The following C18orf63 variants were observed in gnomAD, a reference collection of about 807,000 sequenced individuals.
C18orf63 encodes uncharacterized protein C18orf63.
In C18orf63, 50 loss-of-function variants were observed where a neutral mutation model predicts 75.3. That is an observed-to-expected ratio of 0.66 (90% CI 0.53 to 0.84). C18orf63 has a LOEUF of 0.84. Among genes scored for constraint, C18orf63 ranks in the 40% least tolerant of loss-of-function variants. The pLI is 0.00. For missense variants in C18orf63, 732 were observed against 800.2 expected, an observed-to-expected ratio of 0.91 and a Z score of 1.03; for synonymous variants, 232 against 267.6, an observed-to-expected ratio of 0.87 and a Z score of 1.30.
chr18:74,343,327 A>G (rs755843154), intron 10 of C18orf63, among the ~76,000 whole-genome samples, 192 bp from the exon 11 acceptor site: 3 of 152,180 alleles, frequency 2.0e-5, no homozygotes, highest in Non-Finnish European at 4.4e-5. Context: ...GAATGTTAGA[A>G]TAGAAGGAAT....
In C18orf63 at chr18:74,346,245, T is replaced by G. The variant is rs184494032; in HGVS notation, c.978+2543T>G. The stretch of plus-strand genomic sequence containing the variant: ...CTATCTTTTTCTTATGTTTCTGGCT[T>G]AAATACATTATGACCTGTCAGTCAG... On this transcript the variant is annotated intron_variant, in intron 11 of 13. Coordinates refer to ENST00000579455, the MANE Select transcript of C18orf63 (RefSeq NM_001174123.2). Among the ~76,000 whole-genome samples, 672 of 152,316 alleles carry G rather than the reference T, an allele frequency of 4.4e-3. 2 individuals carry two copies. The South Asian group carries it at 0.047, about 11-fold the overall frequency.
chr18:74,334,255 C>T (rs1984355775), intron 7 of C18orf63, among the ~76,000 whole-genome samples: 2 of 151,648 alleles, frequency 1.3e-5, no homozygotes, highest in East Asian at 1.9e-4. Context: ...GTGCCCCATG[C>T]TTTTTCCAAA....
At chr18:74,332,156 T>C (rs1035665591) in intron 7 of C18orf63, among the ~76,000 whole-genome samples, 1 of 152,150 alleles carries the variant, frequency 6.6e-6, no homozygotes, top group Admixed American at 6.5e-5. Context: ...ATGAATTTAT[T>C]TATTAAAGTT....
In C18orf63 at chr18:74,353,981, T is replaced by G. The variant is rs1349373122; in HGVS notation, c.1714T>G (p.Leu572Val). 5.9e-6 allele frequency: 9 copies of G among 1,536,116 alleles called. No individual in the cohort carries two copies. Among genetic ancestry groups the G allele is most frequent in the Non-Finnish European group, 7.8e-6 (9 of 1,146,946 alleles). ...VDFQMKGKENLTGKGITQILG... is the reference protein window; with the variant it reads ...VDFQMKGKENVTGKGITQILG... ...CTTCCAAATGAAAGGAAAAGAAAAT[T>G]TAACAGGCAAAGGTATAACACAAAT... Residue 572 changes from leucine to valine, a missense_variant, in exon 12 of 14, where the codon TTA becomes GTA. By Grantham distance (32) the Leu-to-Val change is conservative. This residue lies in a region of C18orf63 where 495 missense variants were observed against 508.7 expected (regional missense o/e 0.97). Transcript: ENST00000579455.
At chr18:74,341,641 C>T (rs1386390697) in intron 8 of C18orf63, among the ~76,000 whole-genome samples, 1 of 151,988 alleles carries the variant, frequency 6.6e-6, no homozygotes, top group African/African-American at 2.4e-5. Context: ...GAGCTGAGAT[C>T]GCACCACTGC....
At chr18:74,323,484 T>C (rs1469437309) in intron 4 of C18orf63, among the ~76,000 whole-genome samples, 1 of 152,200 alleles carries the variant, frequency 6.6e-6, no homozygotes, top group Non-Finnish European at 1.5e-5. Flanking sequence ...AAAACAGTAT[T>C]ATTCAGGAGC....
At chr18:74,319,201 T>C (rs1007140493) in intron 2 of C18orf63, among the ~76,000 whole-genome samples, 1 of 152,106 alleles carries the variant, frequency 6.6e-6, no homozygotes, top group African/African-American at 2.4e-5. Context: ...TGTCCTCAAA[T>C]TGAAGGCAGC....
chr18:74,328,190 G>A (rs1172806755), intron 5 of C18orf63, 132 bp downstream of exon 5: 5 of 597,914 alleles, frequency 8.4e-6, no homozygotes, highest in South Asian at 6.8e-5. Flanking sequence ...AGGTTTAGTG[G>A]ATTCACAGTT....
intron 1 of C18orf63, among the ~76,000 whole-genome samples, chr18:74,316,419 CG>C (rs1433805837): frequency 6.6e-6 from 1 of 152,182 alleles, no homozygotes; most frequent in East Asian, 1.9e-4. Flanking sequence ...CTGGGGGCAG[CG>C]GCAAGCCGGG....
At chr18:74,316,986 C>T (rs990723388) in intron 1 of C18orf63, among the ~76,000 whole-genome samples, 1 of 152,188 alleles carries the variant, frequency 6.6e-6, no homozygotes, top group Non-Finnish European at 1.5e-5. Context: ...AATTTACATT[C>T]CTACTGTATT....
At chr18:74,331,171 C>G (rs1249693870) in intron 7 of C18orf63, among the ~76,000 whole-genome samples, 1 of 152,012 alleles carries the variant, frequency 6.6e-6, no homozygotes, top group Non-Finnish European at 1.5e-5. Context: ...CATATTATTC[C>G]TTTGTTCAAA....
rs1429916241 is a variant in C18orf63 at position 74,317,979 on chromosome 18, T to C, written c.114T>C (p.Thr38=). The C allele has an allele frequency of 1.0e-5, 15 of 1,505,476 alleles. No homozygotes were observed. Among genetic ancestry groups the C allele is most frequent in the Non-Finnish European group, 1.3e-5 (15 of 1,130,486 alleles). 93.3% of individuals were successfully genotyped at this position (1,505,476 alleles called of 1,614,324 possible). ...AGGTGGCAGATACTGAGATTAGGAC[T>C]ATACAAATGAAGATGTGCAGGTAAA... is the stretch of plus-strand genomic sequence containing the variant. ...SNKVADTEIR[T]IQMKMCRQLL... is the part of the protein sequence containing the mutation. The change falls in exon 2 of 14, where the codon ACT becomes ACC. Residue 38 remains threonine, a synonymous_variant. Transcript: ENST00000579455.
At chr18:74,322,188 C>T (rs1476058136) in intron 3 of C18orf63, among the ~76,000 whole-genome samples, 3 of 152,068 alleles carry the variant, frequency 2.0e-5, no homozygotes, top group Non-Finnish European at 4.4e-5. Flanking sequence ...AGCTTTTTGC[C>T]GGATTGCATG....
intron 8 of C18orf63, among the ~76,000 whole-genome samples, chr18:74,339,902 A>C (rs1984451533): frequency 6.6e-6 from 1 of 152,206 alleles, no homozygotes; most frequent in Non-Finnish European, 1.5e-5. Context: ...GCTACCAAAA[A>C]CATACTTAGC....
chr18:74,320,892 A>G (rs1475379222), intron 3 of C18orf63, among the ~76,000 whole-genome samples: 1 of 152,164 alleles, frequency 6.6e-6, no homozygotes, highest in African/African-American at 2.4e-5. Context: ...GATACATTTT[A>G]TCATATTTTA....
chr18:74,343,767 C>G (rs1984527084), intron 11 of C18orf63, 65 bp downstream of exon 11: 2 of 1,120,990 alleles, frequency 1.8e-6, no homozygotes, highest in Non-Finnish European at 2.4e-6. Context: ...ACTTGAATCT[C>G]TTGTCTTCTG....
intron 2 of C18orf63, among the ~76,000 whole-genome samples, chr18:74,318,508 G>A (rs1169878998): frequency 6.6e-6 from 1 of 152,090 alleles, no homozygotes; most frequent in East Asian, 1.9e-4. Flanking sequence ...CAGCTTAAGA[G>A]GGCCGGGCGT....
Position 74,342,016 on chromosome 18 carries a change from C to G in C18orf63, c.612-16C>G. The G allele has an allele frequency of 1.5e-6, 2 of 1,295,622 alleles. No homozygotes were observed. Among genetic ancestry groups the G allele is most frequent in the Non-Finnish European group, 2.1e-6 (2 of 935,744 alleles). 80.3% of individuals were successfully genotyped at this position (1,295,622 alleles called of 1,614,324 possible). On this transcript the variant is annotated splice_polypyrimidine_tract_variant and intron_variant, in intron 8 of 13. Transcript: ENST00000579455. ...TTAAGCATTGGCTCATAATAGCTTCCTCTCATTTTTCATAGTATGAAAATG... is the reference window on the plus strand; with the variant it reads ...TTAAGCATTGGCTCATAATAGCTTCGTCTCATTTTTCATAGTATGAAAATG...
In C18orf63 at chr18:74,317,258, G is replaced by A. The variant is rs141493617; in HGVS notation, c.-32-576G>A. Among the ~76,000 whole-genome samples the A allele has an allele frequency of 9.3e-4, 142 of 152,320 alleles. 1 individual carries two copies. The East Asian group carries it at 0.013, about 13-fold the overall frequency. ...CCAGTTTTTGTTACTGTAGTAAAAT[G>A]TAATGTAGACTTCAAAGGTATACCT... is the stretch of plus-strand genomic sequence containing the variant. On this transcript the variant is annotated intron_variant, in intron 1 of 13. Coordinates refer to ENST00000579455, the MANE Select transcript of C18orf63 (RefSeq NM_001174123.2).
Sources: gnomAD v4.1 joint callset for allele counts (sites outside exome capture counted in the v4.1 genomes callset) on GRCh38, gnomAD v4.1.1 for gene constraint, gnomAD v4.1.1 regional missense constraint, MANE v1.5 for transcripts, NCBI Gene and HGNC (gene_info 2026-07-23, HGNC 2026-07-21) for gene names.